CDH8: variants seen among roughly 807,000 people sequenced by gnomAD.
CDH8 encodes cadherin-8.
In CDH8, 17 loss-of-function variants were observed where a neutral mutation model predicts 68.1. The ratio of observed to expected loss-of-function variants is 0.25; its 90% confidence interval spans 0.17 to 0.37. CDH8 has a LOEUF of 0.37. Ranked by LOEUF, CDH8 falls within the 10% of genes least tolerant of loss-of-function variation. The pLI, the probability that CDH8 is intolerant of heterozygous loss-of-function variation, is 1.00. For missense variants in CDH8, 763 were observed against 999.3 expected (o/e 0.76, Z 3.19); for synonymous variants, 372 against 365.1 (o/e 1.02, Z -0.21).
chr16:61,997,188 G>A (rs765011209), intron 2 of CDH8, among the ~76,000 whole-genome samples: 2 of 152,074 alleles, frequency 1.3e-5, no homozygotes, highest in Non-Finnish European at 2.9e-5. Flanking sequence ...AGTCCACTTT[G>A]CTGATGTGCC....
intron 2 of CDH8, among the ~76,000 whole-genome samples, chr16:61,912,792 C>T (rs1040203194): frequency 6.6e-6 from 1 of 152,028 alleles, no homozygotes; most frequent in Non-Finnish European, 1.5e-5. Flanking sequence ...CTCAGATTAT[C>T]CTACAGATAA....
chr16:61,745,002 T>C (rs1959979098), intron 8 of CDH8, among the ~76,000 whole-genome samples: 3 of 151,348 alleles, frequency 2.0e-5, no homozygotes, highest in Middle Eastern at 3.7e-3. Context: ...TATATTATCA[T>C]ATTGCCATTT....
At chr16:61,875,222 G>A (rs763444522) in intron 3 of CDH8, among the ~76,000 whole-genome samples, 12 of 151,750 alleles carry the variant, frequency 7.9e-5, no homozygotes, top group Non-Finnish European at 1.8e-4. Flanking sequence ...CAAATGTTCT[G>A]GTAACACCTC....
intron 7 of CDH8, among the ~76,000 whole-genome samples, chr16:61,816,772 A>C (rs564015832): frequency 6.6e-6 from 1 of 152,274 alleles, no homozygotes; most frequent in Non-Finnish European, 1.5e-5. Flanking sequence ...AACAGAAAAA[A>C]AAAATCGAAT....
At chr16:61,998,707 A>G (rs1023540355) in intron 2 of CDH8, among the ~76,000 whole-genome samples, 2 of 152,218 alleles carry the variant, frequency 1.3e-5, no homozygotes, top group Non-Finnish European at 2.9e-5. Flanking sequence ...TGGGATGGGT[A>G]GTAGCATTGT....
chr16:61,901,384 T>TA lies in CDH8; in HGVS notation c.341dup (p.Thr115AsnfsTer11), dbSNP rs777857050. ...TTTTTATAGCATGGATATCTCCAGT[T>TA]ACATCATTTATTTGAAATATGGTCC... On this transcript the variant is annotated frameshift_variant, in exon 3 of 12. Coordinates refer to ENST00000577390, the MANE Select transcript of CDH8 (RefSeq NM_001796.5). LOFTEE classifies it high-confidence loss of function. The TA allele has an allele frequency of 6.2e-7, 1 of 1,613,786 alleles. No homozygotes were observed. Among genetic ancestry groups the TA allele is most frequent in the Non-Finnish European group, 8.5e-7 (1 of 1,179,808 alleles).
At chr16:61,726,029 T>C (rs754614252) in intron 9 of CDH8, 6 of 150,456 alleles carry the variant, frequency 4.0e-5, no homozygotes, top group Non-Finnish European at 7.4e-5. Flanking sequence ...ATTGATCATT[T>C]ATAATAAAGC....
At chr16:61,763,649 GCATAAAAAAT>G (rs1567459019) in intron 8 of CDH8, among the ~76,000 whole-genome samples, 1 of 152,078 alleles carries the variant, frequency 6.6e-6, no homozygotes, top group African/African-American at 2.4e-5. Flanking sequence ...ACAGTTGACA[GCATAAAAAAT>G]CATTTATCAT....
At chr16:61,719,128 A>AC (rs755215257) in intron 9 of CDH8, among the ~76,000 whole-genome samples, 2 of 139,534 alleles carry the variant, frequency 1.4e-5, no homozygotes, top group African/African-American at 5.3e-5. Flanking sequence ...TGAGCTCACC[A>AC]TTTTTTTTTT....
At chr16:61,724,419 T>C (rs1022251624) in intron 9 of CDH8, among the ~76,000 whole-genome samples, 2 of 150,768 alleles carry the variant, frequency 1.3e-5, no homozygotes, top group Non-Finnish European at 3.0e-5. Flanking sequence ...ATACTCGTTT[T>C]CATTTTGTGA....
chr16:61,885,711 C>CAAAAAAAAAA (rs5817322), intron 3 of CDH8, among the ~76,000 whole-genome samples: 2 of 116,474 alleles, frequency 1.7e-5, no homozygotes, highest in Non-Finnish European at 1.9e-5. Context: ...AATAGCAATC[C>CAAAAAAAAAA]AAAAAAAAAA....
At chr16:61,885,253 T>C (rs1034796310) in intron 3 of CDH8, among the ~76,000 whole-genome samples, 11 of 152,230 alleles carry the variant, frequency 7.2e-5, no homozygotes, top group Admixed American at 6.5e-4. Context: ...CTATTGTGAA[T>C]TTTTATTTGG....
intron 10 of CDH8, among the ~76,000 whole-genome samples, chr16:61,689,689 T>C (rs923653672): frequency 6.6e-6 from 1 of 152,076 alleles, no homozygotes; most frequent in African/African-American, 2.4e-5. Flanking sequence ...TTACTATGTG[T>C]TCATTATGAT....
At chr16:61,779,423 TTATGTG>T (rs896403460) in intron 8 of CDH8, among the ~76,000 whole-genome samples, 3 of 64,032 alleles carry the variant, frequency 4.7e-5, no homozygotes, top group Non-Finnish European at 6.8e-5. Context: ...TAATGTTCGT[TTATGTG>T]TGTGTGTGTG....
At chr16:61,997,199 A>T (rs1425772306) in intron 2 of CDH8, among the ~76,000 whole-genome samples, 2 of 152,216 alleles carry the variant, frequency 1.3e-5, no homozygotes, top group South Asian at 4.1e-4. Flanking sequence ...CTGATGTGCC[A>T]GGAATTCTCA....
chr16:61,879,796 T>C (rs1963534975), intron 3 of CDH8, among the ~76,000 whole-genome samples: 1 of 152,268 alleles, frequency 6.6e-6, no homozygotes, highest in Admixed American at 6.5e-5. Flanking sequence ...AGGAACAATA[T>C]AAGCACAAGT....
At chr16:61,994,084 C>T (rs1965772530) in intron 2 of CDH8, among the ~76,000 whole-genome samples, 2 of 152,068 alleles carry the variant, frequency 1.3e-5, no homozygotes, top group Non-Finnish European at 2.9e-5. Context: ...AAGTAAATAG[C>T]GATTAAGCTG....
At chr16:61,695,704 G>A (rs1458623325) in intron 10 of CDH8, among the ~76,000 whole-genome samples, 3 of 152,164 alleles carry the variant, frequency 2.0e-5, no homozygotes, top group Non-Finnish European at 4.4e-5. Context: ...TAACTTATTT[G>A]ATCATCAATT....
chr16:61,896,337 G>A (rs948568036), intron 3 of CDH8, among the ~76,000 whole-genome samples: 1 of 152,228 alleles, frequency 6.6e-6, no homozygotes, highest in Non-Finnish European at 1.5e-5. Context: ...CTGTCAACTG[G>A]AAGACAGTTC....
Sources: gnomAD v4.1 joint callset for allele counts (sites outside exome capture counted in the v4.1 genomes callset) on GRCh38, gnomAD v4.1.1 for gene constraint, MANE v1.5 for transcripts, NCBI Gene and HGNC (gene_info 2026-07-23, HGNC 2026-07-21) for gene names.